Variants in C14orf93 observed in about 807,000 individuals in gnomAD.
C14orf93 encodes the protein uncharacterized protein C14orf93.
A neutral mutation model predicts 44.0 loss-of-function variants in C14orf93; 23 were observed. That is an observed-to-expected ratio of 0.52 (90% confidence interval 0.38 to 0.74). The LOEUF is 0.74. C14orf93 is among the 30% of genes least tolerant of loss of function. The probability of loss-of-function intolerance (pLI) is 0.00; values close to 1 mark genes in which losing one functional copy is unlikely to be tolerated. For missense variants in C14orf93, 579 were observed against 678.9 expected, an observed-to-expected ratio of 0.85 and a Z score of 1.64; for synonymous variants, 253 against 265.7, an observed-to-expected ratio of 0.95 and a Z score of 0.46.
At position 22,986,982 on chromosome 14, in the gene C14orf93, G is replaced by A; in HGVS notation, c.*233C>T. 1.8e-6 allele frequency: 1 copy of A among 564,796 alleles called. No homozygotes were observed. 35.0% of individuals were successfully genotyped at this position (564,796 alleles called of 1,614,324 possible). ...GCTTCTCCGAGATACTGTTTATGCT[G>A]AGGAATAAGCATATTCTGGCTTACT... On this transcript the variant is annotated 3_prime_UTR_variant, in exon 7 of 7. Transcript: ENST00000299088.
intron 3 of C14orf93, among the ~76,000 whole-genome samples, chr14:22,991,024 T>A (rs1376191331): frequency 6.6e-6 from 1 of 151,102 alleles, no homozygotes; most frequent in East Asian, 2.0e-4. Flanking sequence ...TTCACCGTGT[T>A]AGCCAGGATG....
At chr14:23,001,062 T>C (rs1392754911) in intron 1 of C14orf93, 3 of 152,220 alleles carry the variant, frequency 2.0e-5, no homozygotes, top group African/African-American at 7.2e-5. Flanking sequence ...AAATTAAAAC[T>C]AAAGGTTAAA....
At chr14:23,003,898 ATTTTTTTTTTTTTTT>A (rs1170432984) in intron 1 of C14orf93, among the ~76,000 whole-genome samples, 8 of 10,378 alleles carry the variant, frequency 7.7e-4, no homozygotes, top group African/African-American at 4.0e-3. Flanking sequence ...ATATATATAT[ATTTTTTTTTTTTTTT>A]TTTTTTTTTT....
rs2045236039 is a variant in C14orf93 at position 22,986,564 on chromosome 14, G to A, written c.*651C>T. On this transcript the variant is annotated 3_prime_UTR_variant, in exon 7 of 7. Coordinates refer to ENST00000299088, the MANE Select transcript of C14orf93 (RefSeq NM_021944.4). ...TGCTTGGTCACATAGTGAGAGAGAG[G>A]CTGCCGGTGAGACACGGGAACTCTT... is the stretch of plus-strand genomic sequence containing the variant. 6.6e-6 allele frequency: 1 copy of A among 152,652 alleles called. No homozygotes were observed. Among genetic ancestry groups the A allele is most frequent in the Non-Finnish European group, 1.5e-5 (1 of 68,368 alleles). The allele number at this position is 152,652 out of a possible 1,614,324, so 9.5% of individuals were successfully genotyped here. A position where few individuals can be genotyped will look rare whatever the true frequency, so the allele number is the denominator to read the frequency against.
At chr14:22,993,713 C>T (rs908708006) in intron 3 of C14orf93, 3 of 152,236 alleles carry the variant, frequency 2.0e-5, no homozygotes, top group African/African-American at 4.8e-5. Flanking sequence ...GGCTCACCTA[C>T]CTCCTGAATA....
At chr14:22,993,128 C>T (rs771314051) in intron 3 of C14orf93, among the ~76,000 whole-genome samples, 5 of 152,260 alleles carry the variant, frequency 3.3e-5, no homozygotes, top group Non-Finnish European at 2.9e-5. Flanking sequence ...GATCTGCCCG[C>T]CTTGGCCTCC....
chr14:23,010,122 G>A lies in C14orf93; in HGVS notation c.-401C>T, dbSNP rs2046801211. On this transcript the variant is annotated 5_prime_UTR_variant, in exon 1 of 7. Transcript: ENST00000299088. ...ATACCCGAAGGTCGTATGGCTCTTT[G>A]TATTCGTGTGTGTGCAAAAAGGAGG... 1 of 152,096 alleles carries A rather than the reference G, an allele frequency of 6.6e-6. No homozygotes were observed. The highest frequency in any genetic ancestry group is 6.6e-5 in the Admixed American group (1 of 15,248). The allele number at this position is 152,096 out of a possible 1,614,324, so 9.4% of individuals were successfully genotyped here.
chr14:22,991,144 CT>C (rs2045595489), intron 3 of C14orf93, among the ~76,000 whole-genome samples: 1 of 150,456 alleles, frequency 6.6e-6, no homozygotes, highest in African/African-American at 2.5e-5. Flanking sequence ...TAAATTTTTT[CT>C]TCAAAATGTA....
At chr14:23,006,511 C>A (rs2046625320) in intron 1 of C14orf93, 1 of 152,138 alleles carries the variant, frequency 6.6e-6, no homozygotes, top group Admixed American at 6.6e-5. Flanking sequence ...ATAGCACAGT[C>A]CTTTTTATTT....
At chr14:22,994,537 G>A (rs1252082867) in intron 3 of C14orf93, among the ~76,000 whole-genome samples, 1 of 151,022 alleles carries the variant, frequency 6.6e-6, no homozygotes, top group African/African-American at 2.4e-5. Flanking sequence ...AAAAGCTTTT[G>A]TGAGACCAGC....
At chr14:22,995,101 C>T (rs760509250) in intron 3 of C14orf93, among the ~76,000 whole-genome samples, 3 of 152,186 alleles carry the variant, frequency 2.0e-5, no homozygotes, top group Non-Finnish European at 4.4e-5. Context: ...CTCCCAGCCA[C>T]GCCAAGAAGT....
At chr14:23,008,755 T>C (rs1258120084) in intron 1 of C14orf93, among the ~76,000 whole-genome samples, 5 of 152,256 alleles carry the variant, frequency 3.3e-5, no homozygotes, top group Admixed American at 2.6e-4. Context: ...CATATACTTT[T>C]TTCTGTGACT....
At chr14:22,989,992 A>T in intron 4 of C14orf93, 74 bp downstream of exon 4, 1 of 1,468,964 alleles carries the variant, frequency 6.8e-7, no homozygotes, top group Non-Finnish European at 9.5e-7. Flanking sequence ...TCATTGCTGT[A>T]TTGGAGCATC....
chr14:22,998,329 C>G, intron 2 of C14orf93, 98 bp downstream of exon 2: 1 of 1,405,250 alleles, frequency 7.1e-7, no homozygotes, highest in South Asian at 1.7e-5. Context: ...CAAATACAAA[C>G]AAAAGGTTTA....
At position 22,998,446 on chromosome 14, in the gene C14orf93, G is replaced by A. The variant is rs115989104; in HGVS notation, c.578C>T (p.Ala193Val). 793 of 1,578,808 alleles carry A rather than the reference G, an allele frequency of 5.0e-4. 3 individuals are homozygous for A. In the African/African-American group the frequency reaches 9.4e-3, roughly 19 times the overall value. ...LPGCTLAASE[A>V]APLLNPLVDD... Reference sequence around the variant, plus strand: ...ACTCACAGGATTGAGCAGGGGGGCCGCCTCGCTGGCAGCCAGCGTGCACCC... The same window carrying A: ...ACTCACAGGATTGAGCAGGGGGGCCACCTCGCTGGCAGCCAGCGTGCACCC... Residue 193 changes from alanine to valine, a missense_variant, in exon 2 of 7, where the codon GCG (alanine) becomes GTG (valine). Physicochemically the swap from Ala to Val is moderately conservative, Grantham distance 64. Coordinates refer to ENST00000299088, the MANE Select transcript of C14orf93 (RefSeq NM_021944.4).
Position 22,987,854 on chromosome 14 carries a change from G to A in C14orf93, c.1197+49C>T, listed in dbSNP as rs1321759477. The A allele has an allele frequency of 1.3e-6, 2 of 1,484,602 alleles. No homozygotes were observed. Among genetic ancestry groups the A allele is most frequent in the African/African-American group, 1.4e-5 (1 of 71,572 alleles). The allele number at this position is 1,484,602 out of a possible 1,614,324, so 92.0% of individuals were successfully genotyped here. A position where few individuals can be genotyped will look rare whatever the true frequency, so the allele number is the denominator to read the frequency against. ...CATGTCCTCTGGCCCTTCCCACTTA[G>A]GAAAGGGTTTAGAGTTTAGTATCTT... On this transcript the variant is annotated intron_variant, in intron 6 of 6. Coordinates refer to ENST00000299088, the MANE Select transcript of C14orf93 (RefSeq NM_021944.4). The surrounding 1 kb of genome is among the most constrained non-coding windows in gnomAD (Gnocchi z 5.6).
chr14:23,006,017 G>A (rs956094775), intron 1 of C14orf93: 1 of 152,194 alleles, frequency 6.6e-6, no homozygotes, highest in African/African-American at 2.4e-5. Flanking sequence ...AGATGTGTAT[G>A]ATATGGTATC....
Position 22,997,413 on chromosome 14 carries a change from G to A in C14orf93, c.597+1014C>T, listed in dbSNP as rs562443065. ...CCTTTACTCTTTACTGGGTGTCTATGTCTTGTTGTGGGGGGAGGAGAAAAA... is the reference window on the plus strand; with the variant it reads ...CCTTTACTCTTTACTGGGTGTCTATATCTTGTTGTGGGGGGAGGAGAAAAA... On this transcript the variant is annotated intron_variant, in intron 2 of 6. Coordinates refer to ENST00000299088, the MANE Select transcript of C14orf93 (RefSeq NM_021944.4). Among the ~76,000 whole-genome samples, 24 of 152,250 alleles carry A rather than the reference G, an allele frequency of 1.6e-4. No homozygotes were observed. In the East Asian group the frequency reaches 4.1e-3, roughly 26 times the overall value.
chr14:22,988,093 A>C, intron 5 of C14orf93, 78 bp from the exon 6 acceptor site: 2 of 924,594 alleles, frequency 2.2e-6, no homozygotes, highest in Non-Finnish European at 1.7e-6. Context: ...CTGCCCTAAC[A>C]CTATTGAATG....
Sources: allele counts gnomAD v4.1 joint callset (sites outside exome capture counted in the v4.1 genomes callset), GRCh38; gene constraint gnomAD v4.1.1; non-coding constraint Gnocchi (gnomAD v3.1); transcripts MANE v1.5; gene names NCBI Gene and HGNC (gene_info 2026-07-23, HGNC 2026-07-21).